Variants in CASD1 observed in about 807,000 individuals in gnomAD.
CASD1 encodes the protein N-acetylneuraminate (7)9-O-acetyltransferase.
CASD1 carries 41 observed loss-of-function variants against 100.0 expected under a neutral mutation model. The ratio of observed to expected loss-of-function variants is 0.41; its 90% CI spans 0.32 to 0.53. The LOEUF is 0.53. Ranked by LOEUF, CASD1 falls within the 20% of genes least tolerant of loss-of-function variation. The pLI is 0.25. For synonymous variants in CASD1, 321 were observed against 315.6 expected (o/e 1.02, Z -0.18); for missense variants, 774 against 948.7 (o/e 0.82, Z 2.42).
chr7:94,558,748 A>T (rs897052220), downstream of CASD1, among the ~76,000 whole-genome samples: 2 of 152,014 alleles, frequency 1.3e-5, no homozygotes, highest in African/African-American at 4.8e-5. Context: ...ATATTCCCAA[A>T]ATTGTGGTGT....
chr7:94,633,664 T>C, the CASD1 span, among the ~76,000 whole-genome samples: 1 of 152,160 alleles, frequency 6.6e-6, no homozygotes, highest in East Asian at 1.9e-4. Flanking sequence ...AATGTCTTGT[T>C]TTCCTTTACT....
the CASD1 span, chr7:94,625,134 T>TA: frequency 6.6e-6 from 1 of 152,032 alleles, no homozygotes; most frequent in East Asian, 1.9e-4. Flanking sequence ...CCCCAATTTC[T>TA]AAAACAGAGC....
the CASD1 span, chr7:94,623,391 C>A: frequency 6.3e-7 from 1 of 1,595,960 alleles, no homozygotes. Context: ...CTGTTGTAGG[C>A]AGTTATCTAT....
the CASD1 span, chr7:94,588,314 A>G: frequency 1.9e-6 from 2 of 1,073,064 alleles, no homozygotes; most frequent in Non-Finnish European, 2.3e-6. Context: ...TCCTTTTGTA[A>G]GAGAGCTTGA....
At position 94,549,603 on chromosome 7, in the gene CASD1, A is replaced by C; in HGVS notation, c.1784A>C (p.Glu595Ala). ...TTTGAACTGAAAGGGAATGTATATGAATGGTGGTTCAGATGGAGGTTAGAC... is the reference window on the plus strand; with the variant it reads ...TTTGAACTGAAAGGGAATGTATATGCATGGTGGTTCAGATGGAGGTTAGAC... ...KCFELKGNVY[E>A]WWFRWRLDRY... The change falls in exon 14 of 18, where the codon GAA (glutamate) becomes GCA (alanine). Residue 595 changes from glutamate to alanine, a missense_variant. Transcript: ENST00000297273. 4 of 1,610,124 alleles carry C rather than the reference A, an allele frequency of 2.5e-6. No individual in the cohort carries two copies. Among genetic ancestry groups the C allele is most frequent in the Non-Finnish European group, 3.4e-6 (4 of 1,177,806 alleles).
At chr7:94,530,932 C>T (rs1349578669) in intron 5 of CASD1, among the ~76,000 whole-genome samples, 1 of 151,982 alleles carries the variant, frequency 6.6e-6, no homozygotes, top group Non-Finnish European at 1.5e-5. Flanking sequence ...CACCAGTGTC[C>T]CTTTCAAAAC....
At chr7:94,613,633 G>C in the CASD1 span, among the ~76,000 whole-genome samples, 9 of 152,108 alleles carry the variant, frequency 5.9e-5, no homozygotes, top group African/African-American at 2.2e-4. Context: ...CATTTATAAT[G>C]TGAAGAAACA....
Position 94,554,515 on chromosome 7 carries a change from T to A in CASD1, c.2067T>A (p.Pro689=), listed in dbSNP as rs560637978. The A allele has an allele frequency of 6.2e-7, 1 of 1,611,906 alleles. No individual in the cohort carries two copies. The highest frequency in any genetic ancestry group is 1.1e-5 in the South Asian group (1 of 90,862). The change falls in exon 17 of 18, where the codon CCT becomes CCA. Residue 689 remains proline (P), a synonymous_variant. Transcript: ENST00000297273. ...ILAFILIRNI[P]GYARSVYSSF... ...CCTTCATCCTAATAAGAAACATCCC[T>A]GGATATGCCCGTTCAGTTTACAGTT...
intron 13 of CASD1, among the ~76,000 whole-genome samples, chr7:94,548,738 T>G (rs1795803490): frequency 6.6e-6 from 1 of 151,950 alleles, no homozygotes; most frequent in Non-Finnish European, 1.5e-5. Flanking sequence ...ACACTTTTTA[T>G]GCCGTAGCAT....
chr7:94,598,468 C>T, the CASD1 span: 1 of 321,320 alleles, frequency 3.1e-6, no homozygotes, highest in Non-Finnish European at 5.8e-6. Flanking sequence ...GGATATGGTT[C>T]TTTTTTTTAT....
chr7:94,557,069 T>A (rs533375058), downstream of CASD1: 1 of 152,184 alleles, frequency 6.6e-6, no homozygotes, highest in Non-Finnish European at 1.5e-5. Flanking sequence ...TTCCTCAACT[T>A]AAATTTGCTT....
the CASD1 span, among the ~76,000 whole-genome samples, chr7:94,578,158 A>G: frequency 6.6e-6 from 1 of 152,152 alleles, no homozygotes; most frequent in Non-Finnish European, 1.5e-5. Flanking sequence ...TAATGCTGAC[A>G]ATTTTTACCA....
intron 3 of CASD1, among the ~76,000 whole-genome samples, chr7:94,522,617 A>G (rs916919424): frequency 1.3e-5 from 2 of 152,152 alleles, no homozygotes; most frequent in Admixed American, 1.3e-4. Context: ...AATCAGGGAA[A>G]TGTTTGTTTG....
At chr7:94,591,750 A>G in the CASD1 span, among the ~76,000 whole-genome samples, 1 of 152,218 alleles carries the variant, frequency 6.6e-6, no homozygotes, top group South Asian at 2.1e-4. Context: ...CTTTTGCTAC[A>G]TTGCTAAACT....
intron 3 of CASD1, among the ~76,000 whole-genome samples, chr7:94,525,152 T>C (rs1462990677): frequency 6.6e-6 from 1 of 152,096 alleles, no homozygotes; most frequent in East Asian, 1.9e-4. Context: ...GGGAGAAAGG[T>C]AAAGCTGGTA....
chr7:94,531,341 T>C (rs1794840798), intron 5 of CASD1, among the ~76,000 whole-genome samples: 1 of 152,116 alleles, frequency 6.6e-6, no homozygotes, highest in Non-Finnish European at 1.5e-5. Context: ...TTCTTTACTC[T>C]CTTGTCAGAG....
intron 16 of CASD1, 187 bp from the exon 17 acceptor site, chr7:94,554,295 AG>A: frequency 2.1e-6 from 1 of 473,798 alleles, no homozygotes. Context: ...CCATGTGTTG[AG>A]AAATCCAGTT....
chr7:94,509,895 C>T lies in CASD1; in HGVS notation c.-190C>T. 9.3e-7 allele frequency: 1 copy of T among 1,075,632 alleles called. No homozygotes were observed. The highest frequency in any genetic ancestry group is 1.1e-6 in the Non-Finnish European group (1 of 887,708). 66.6% of individuals were successfully genotyped at this position (1,075,632 alleles called of 1,614,324 possible). ...GGGAGGCCGCCGAGTCGGCCGCGGC[C>T]GAGGAGGGGCAGGCGGAGGTCGGGG... On this transcript the variant is annotated 5_prime_UTR_variant, in exon 1 of 18. Coordinates refer to ENST00000297273, the MANE Select transcript of CASD1 (RefSeq NM_022900.5).
the CASD1 span, among the ~76,000 whole-genome samples, chr7:94,613,556 G>T: frequency 6.6e-6 from 1 of 152,116 alleles, no homozygotes; most frequent in African/African-American, 2.4e-5. Flanking sequence ...TTCTTGTGAA[G>T]AATTTTTTTT....
Sources: gnomAD v4.1 joint callset for allele counts (sites outside exome capture counted in the v4.1 genomes callset) on GRCh38, gnomAD v4.1.1 for gene constraint, MANE v1.5 for transcripts, NCBI Gene and HGNC (gene_info 2026-07-23, HGNC 2026-07-21) for gene names.